Variants in TAPBP observed in about 807,000 individuals in gnomAD.
TAPBP encodes the protein TAP binding protein.
A neutral mutation model predicts 45.7 loss-of-function variants in TAPBP; 38 were observed. That is an observed-to-expected ratio of 0.83 (90% CI 0.64 to 1.09). The LOEUF (loss-of-function observed/expected upper bound fraction) is 1.09, where lower values mean the gene tolerates loss of function less well. Ranked by LOEUF, TAPBP falls within the 50% of genes least tolerant of loss-of-function variation. TAPBP has a pLI of 0.00. For synonymous variants in TAPBP, 226 were observed against 254.8 expected (o/e 0.89, Z 1.08); for missense variants, 513 against 587.3 (o/e 0.87, Z 1.31).
chr6:33,313,310 C>T lies in TAPBP; in HGVS notation c.376G>A (p.Val126Ile), dbSNP rs1219859058. ...CTGAGGACTGGGCTGGATATGCTGA[C>T]CATCAGCCAAGCCCCATCCAGGGCC... ...PRALDGAWLM[V>I]SISSPVLSLS... The change falls in exon 3 of 8, where the codon GTC becomes ATC. Residue 126 changes from valine to isoleucine, a missense_variant. By Grantham distance (29) the Val-to-Ile change is conservative (BLOSUM62 3). Coordinates refer to ENST00000434618, the MANE Select transcript of TAPBP (RefSeq NM_003190.5). This position sits in a 1 kb window ranked among gnomAD's most constrained non-coding sequence, Gnocchi z 7.2. 2 of 1,613,628 alleles carry T rather than the reference C, an allele frequency of 1.2e-6. No homozygotes were observed. The highest frequency in any genetic ancestry group is 1.3e-5 in the African/African-American group (1 of 75,054).
rs1769534153 is a variant in TAPBP, at chr6:33,313,593, A to G, written c.208+101T>C. On this transcript the variant is annotated intron_variant, in intron 2 of 7. Transcript: ENST00000434618. The surrounding 1 kb of genome is among the most constrained non-coding windows in gnomAD (Gnocchi z 7.2). ...TACCCCGTAGTGAGACTCACTTTAC[A>G]AAGGGGAAGCTGAGGCCTGAGGTCA... 3 of 1,533,736 alleles carry G rather than the reference A, an allele frequency of 2.0e-6. No homozygotes were observed. The African/African-American group carries it at 4.1e-5, about 21-fold the overall frequency.
At chr6:33,312,864 C>T in intron 3 of TAPBP, 1 of 276,500 alleles carries the variant, frequency 3.6e-6, no homozygotes, top group Non-Finnish European at 6.8e-6. Context: ...TGCTTCTGAA[C>T]CCCTCCCACC....
At position 33,305,939 on chromosome 6, in the gene TAPBP, C is replaced by T. The variant is rs566118956; in HGVS notation, c.470-552G>A. On this transcript the variant is annotated intron_variant, in intron 3 of 7. Coordinates refer to ENST00000434618, the MANE Select transcript of TAPBP (RefSeq NM_003190.5). The surrounding 1 kb of genome is among the most constrained non-coding windows in gnomAD (Gnocchi z 4.4). The stretch of plus-strand genomic sequence containing the variant: ...GCTAAGTGCCTGGAGCCTGGCTGAC[C>T]GGGTTCAAATCCCCTCTGCAGCTTA... Among the ~76,000 whole-genome samples, 27 of 152,296 alleles carry T rather than the reference C, an allele frequency of 1.8e-4. No homozygotes were observed. The highest frequency in any genetic ancestry group is 6.0e-4 in the African/African-American group (25 of 41,568).
Position 33,305,417 on chromosome 6 carries a change from G to C in TAPBP, c.470-30C>G. ...GGAAGACAGGGAGATGAGGGGTTGG[G>C]AGGGGCATGAGGGAGAGAAAGAAGG... is the stretch of plus-strand genomic sequence containing the variant. On this transcript the variant is annotated intron_variant, in intron 3 of 7. Transcript: ENST00000434618. The surrounding 1 kb of genome is among the most constrained non-coding windows in gnomAD (Gnocchi z 4.4). 2.0e-6 allele frequency: 3 copies of C among 1,497,628 alleles called. No homozygotes were observed. The highest frequency in any genetic ancestry group is 2.7e-6 in the Non-Finnish European group (3 of 1,124,604). The allele number at this position is 1,497,628 out of a possible 1,614,324, so 92.8% of individuals were successfully genotyped here. A position where few individuals can be genotyped will look rare whatever the true frequency, so the allele number is the denominator to read the frequency against.
intron 6 of TAPBP, 59 bp downstream of exon 6, chr6:33,304,069 G>T: frequency 6.2e-7 from 1 of 1,610,962 alleles, no homozygotes; most frequent in Middle Eastern, 1.7e-4. Context: ...AGGCTCTTGG[G>T]AGTAGGTGGG....
chr6:33,303,930 G>C (rs974359476), intron 7 of TAPBP, 25 bp downstream of exon 7: 5 of 1,614,094 alleles, frequency 3.1e-6, no homozygotes, highest in Non-Finnish European at 4.2e-6. Context: ...ACAAGGGAAA[G>C]ATACAGAGAG....
intron 3 of TAPBP, among the ~76,000 whole-genome samples, chr6:33,308,726 T>C (rs927456412): frequency 6.6e-6 from 1 of 150,436 alleles, no homozygotes; most frequent in Admixed American, 6.6e-5. Context: ...CATTATGAGA[T>C]TTTTTCACAT....
Position 33,305,295 on chromosome 6 carries a change from T to C in TAPBP, c.562A>G (p.Thr188Ala), listed in dbSNP as rs561629511. ...LDLSFAYMPPTSEAASSLAPG... is the reference protein window; with the variant it reads ...LDLSFAYMPPASEAASSLAPG... ...GCCAGAGATGAGGCGGCCTCGGAGG[T>C]GGGGGGCATGTAGGCAAAGCTCAAG... Residue 188 changes from threonine to alanine, a missense_variant, in exon 4 of 8, where the codon ACC (threonine) becomes GCC (alanine). Coordinates refer to ENST00000434618, the MANE Select transcript of TAPBP (RefSeq NM_003190.5). The surrounding 1 kb of genome is among the most constrained non-coding windows in gnomAD (Gnocchi z 4.4). 6.3e-7 allele frequency: 1 copy of C among 1,575,812 alleles called. No homozygotes were observed. The highest frequency in any genetic ancestry group is 8.6e-7 in the Non-Finnish European group (1 of 1,161,464).
chr6:33,314,062 C>T lies in TAPBP; in HGVS notation c.-21G>A, dbSNP rs764426306. On this transcript the variant is annotated 5_prime_UTR_variant, in exon 1 of 8. An upstream start codon of the reference 5' UTR is lost. Coordinates refer to ENST00000434618, the MANE Select transcript of TAPBP (RefSeq NM_003190.5). ...TTCATGGCGCTGCGACCTCCTCAGC[C>T]ATGAAGCCTCCTCTTCCTCCTTTCA... is the stretch of plus-strand genomic sequence containing the variant. 4 of 1,613,068 alleles carry T rather than the reference C, an allele frequency of 2.5e-6. No individual in the cohort carries two copies. In the East Asian group the frequency reaches 8.9e-5, roughly 36 times the overall value.
chr6:33,303,015 C>T (rs1768693512), intron 7 of TAPBP, among the ~76,000 whole-genome samples: 1 of 152,182 alleles, frequency 6.6e-6, no homozygotes. Context: ...CGATCCAAAA[C>T]TCTAAAATCT....
intron 7 of TAPBP, among the ~76,000 whole-genome samples, chr6:33,303,046 A>T (rs185183788): frequency 2.0e-5 from 3 of 152,268 alleles, no homozygotes; most frequent in Non-Finnish European, 2.9e-5. Flanking sequence ...AAAACCTGAA[A>T]TTTTTTTAGT....
At chr6:33,308,017 G>T (rs1769087974) in intron 3 of TAPBP, 1 of 152,612 alleles carries the variant, frequency 6.6e-6, no homozygotes, top group Admixed American at 6.6e-5. Context: ...TCTTTTAAAA[G>T]AATCAAGTAA....
chr6:33,308,871 A>G (rs192800539), intron 3 of TAPBP, among the ~76,000 whole-genome samples: 1 of 152,286 alleles, frequency 6.6e-6, no homozygotes, highest in East Asian at 1.9e-4. Context: ...ATGTACATGA[A>G]GGTCACTTTC....
At chr6:33,312,698 A>G (rs1009998057) in intron 3 of TAPBP, among the ~76,000 whole-genome samples, 10 of 152,362 alleles carry the variant, frequency 6.6e-5, no homozygotes, top group African/African-American at 2.4e-4. Context: ...GGCAAGGTCA[A>G]CGCGCTAGAG....
In TAPBP at chr6:33,300,013, G is replaced by A. The variant is rs1002103424; in HGVS notation, c.*1747C>T. ...CAAGAGGGACGCGCGGCGGTCTGCG[G>A]GGAATGACGAGGCCGACCTCGTCTG... On this transcript the variant is annotated 3_prime_UTR_variant, in exon 8 of 8. Coordinates refer to ENST00000434618, the MANE Select transcript of TAPBP (RefSeq NM_003190.5). The A allele has an allele frequency of 6.5e-6, 1 of 153,936 alleles. No individual in the cohort carries two copies. The highest frequency in any genetic ancestry group is 2.4e-5 in the African/African-American group (1 of 41,468). 9.5% of individuals were successfully genotyped at this position (153,936 alleles called of 1,614,324 possible). A position where few individuals can be genotyped will look rare whatever the true frequency, so the allele number is the denominator to read the frequency against.
rs73741556 is a variant in TAPBP, at chr6:33,313,108, C to T, written c.469+109G>A. The T allele has an allele frequency of 0.024, 31,993 of 1,350,712 alleles. 1,572 individuals are homozygous for T. The highest frequency in any genetic ancestry group is 0.19 in the African/African-American group (13,065 of 68,418). The allele number at this position is 1,350,712 out of a possible 1,614,324, so 83.7% of individuals were successfully genotyped here. On this transcript the variant is annotated intron_variant, in intron 3 of 7. Coordinates refer to ENST00000434618, the MANE Select transcript of TAPBP (RefSeq NM_003190.5). The surrounding 1 kb of genome is among the most constrained non-coding windows in gnomAD (Gnocchi z 7.2). ...CACCTCTCTTAACAAAAAAAGGAAA[C>T]TGAACCCCGATTGGCGAAATGTCTT... is the stretch of plus-strand genomic sequence containing the variant.
Position 33,313,448 on chromosome 6 carries a change from T to C in TAPBP, c.238A>G (p.Arg80Gly). ...GCGGGGGCGCCCCGGGGATACCGCC[T>C]GAAGGCAGCCTGGAGGGCGCCCGCG... is the stretch of plus-strand genomic sequence containing the variant. ...DPAGALQAAFRRYPRGAPAPH... is the reference protein window; with the variant it reads ...DPAGALQAAFGRYPRGAPAPH... The change falls in exon 3 of 8, where the codon AGG becomes GGG. Residue 80 changes from arginine to glycine, a missense_variant. Coordinates refer to ENST00000434618, the MANE Select transcript of TAPBP (RefSeq NM_003190.5). This position sits in a 1 kb window ranked among gnomAD's most constrained non-coding sequence, Gnocchi z 7.2. The C allele has an allele frequency of 1.3e-6, 2 of 1,590,500 alleles. No homozygotes were observed. Among genetic ancestry groups the C allele is most frequent in the Non-Finnish European group, 1.7e-6 (2 of 1,165,300 alleles).
At chr6:33,307,913 T>C (rs188076497) in intron 3 of TAPBP, among the ~76,000 whole-genome samples, 14 of 152,340 alleles carry the variant, frequency 9.2e-5, no homozygotes, top group Non-Finnish European at 1.9e-4. Flanking sequence ...ACTATTTTCA[T>C]TACCTTCATC....
Position 33,305,275 on chromosome 6 carries a change from A to T in TAPBP, c.582T>A (p.Ser194=). 13 of 1,596,760 alleles carry T rather than the reference A, an allele frequency of 8.1e-6. No individual in the cohort carries two copies. Among genetic ancestry groups the T allele is most frequent in the Non-Finnish European group, 1.1e-5 (13 of 1,170,380 alleles). Residue 194 remains serine, a synonymous_variant, in exon 4 of 8, where the codon TCT becomes TCA. Transcript: ENST00000434618. This position sits in a 1 kb window ranked among gnomAD's most constrained non-coding sequence, Gnocchi z 4.4. ...YMPPTSEAAS[S]LAPGPPPFGL... ...CAAAGGGAGGGGGACCCGGAGCCAG[A>T]GATGAGGCGGCCTCGGAGGTGGGGG... is the stretch of plus-strand genomic sequence containing the variant.
Sources: allele counts gnomAD v4.1 joint callset (sites outside exome capture counted in the v4.1 genomes callset), GRCh38; gene constraint gnomAD v4.1.1; non-coding constraint Gnocchi (gnomAD v3.1); transcripts MANE v1.5; gene names NCBI Gene and HGNC (gene_info 2026-07-23, HGNC 2026-07-21).